Variants in ADGRL2 observed in about 807,000 individuals in gnomAD.
The protein encoded by ADGRL2 is adhesion G protein-coupled receptor L2, also known as calcium-independent alpha-latrotoxin receptor 2.
ADGRL2 carries 44 observed loss-of-function variants against 157.4 expected under a neutral mutation model. The observed-to-expected ratio is 0.28, with a 90% CI of 0.22 to 0.36. ADGRL2 has a LOEUF of 0.36. Among genes scored for constraint, ADGRL2 ranks in the 10% least tolerant of loss-of-function variants. The pLI is 1.00. For synonymous variants in ADGRL2, 585 were observed against 624.7 expected (o/e 0.94, Z 0.95); for missense variants, 1,510 against 1,768.9 (o/e 0.85, Z 2.63).
At chr1:81,808,467 C>A in intron 1 of ADGRL2, among the ~76,000 whole-genome samples, 1 of 137,480 alleles carries the variant, frequency 7.3e-6, no homozygotes, top group South Asian at 2.4e-4. Context: ...TTCTGCTTTT[C>A]ATTTTTGTTT....
intron 2 of ADGRL2, among the ~76,000 whole-genome samples, chr1:81,509,202 A>C (rs2079032351): frequency 6.6e-6 from 1 of 152,128 alleles, no homozygotes. Context: ...AAACTCACAA[A>C]GCCAACAAGC....
Position 81,355,336 on chromosome 1 carries a change from G to C in ADGRL2, c.-302+48827G>C, listed in dbSNP as rs559219436. On this transcript the variant is annotated intron_variant, in intron 1 of 24. Coordinates refer to the ADGRL2 transcript ENST00000370721. ...ATTGCACCACTGCACTCCAGCCTGG[G>C]TGACAGAGTGAGACTCAGTCTCAAA... 2.6e-5 allele frequency among the ~76,000 whole-genome samples: 4 copies of C among 152,244 alleles called. No homozygotes were observed. In the South Asian group the frequency reaches 6.2e-4, roughly 24 times the overall value.
At position 81,991,304 on chromosome 1, in the gene ADGRL2, T is replaced by A; in HGVS notation, c.*159T>A. The A allele has an allele frequency of 1.6e-6, 1 of 613,882 alleles. No individual in the cohort carries two copies. Among genetic ancestry groups the A allele is most frequent in the Non-Finnish European group, 2.7e-6 (1 of 365,308 alleles). The allele number at this position is 613,882 out of a possible 1,614,324, so 38.0% of individuals were successfully genotyped here. On this transcript the variant is annotated 3_prime_UTR_variant, in exon 24 of 24. Transcript: ENST00000686636. ...GACTGAACCTTGCAGTTCTGTGAAT[T>A]TTTATAAAACATACAAAAACTTTGT...
At chr1:81,540,105 T>C (rs1327169821) in intron 2 of ADGRL2, among the ~76,000 whole-genome samples, 2 of 152,170 alleles carry the variant, frequency 1.3e-5, no homozygotes, top group African/African-American at 4.8e-5. Flanking sequence ...TCTCCATCTG[T>C]AAAATGAGTA....
At chr1:81,518,083 G>A (rs1041862792) in intron 2 of ADGRL2, among the ~76,000 whole-genome samples, 2 of 152,256 alleles carry the variant, frequency 1.3e-5, no homozygotes, top group African/African-American at 4.8e-5. Context: ...TAGGTTTTTA[G>A]CGAGGAAGGA....
chr1:81,449,864 T>C (rs2077673631), intron 2 of ADGRL2, among the ~76,000 whole-genome samples: 1 of 152,190 alleles, frequency 6.6e-6, no homozygotes, highest in Non-Finnish European at 1.5e-5. Context: ...GTGTTGGGAT[T>C]ACAGGCATGA....
chr1:81,366,784 T>C (rs2076074647), intron 1 of ADGRL2, among the ~76,000 whole-genome samples: 1 of 147,794 alleles, frequency 6.8e-6, no homozygotes, highest in Non-Finnish European at 1.5e-5. Context: ...AGGTCTGTGA[T>C]TTTTGAAAAC....
chr1:81,642,648 C>T lies in ADGRL2; in HGVS notation c.-143+61668C>T, dbSNP rs981270249. On this transcript the variant is annotated intron_variant, in intron 3 of 24. Transcript: ENST00000370721. ...TAAGAAAAAGAAATTACAGACAAAT[C>T]TCTCACATGAACCAAGATGCAAAAA... 2.0e-5 allele frequency among the ~76,000 whole-genome samples: 3 copies of T among 152,058 alleles called. No homozygotes were observed. In the East Asian group the frequency reaches 5.8e-4, roughly 29 times the overall value.
chr1:81,643,603 C>T (rs1489704164), intron 3 of ADGRL2, among the ~76,000 whole-genome samples: 4 of 152,108 alleles, frequency 2.6e-5, no homozygotes, highest in African/African-American at 9.7e-5. Flanking sequence ...GCCACCATCC[C>T]CAGCCACAAG....
chr1:81,359,985 G>A (rs772875291), intron 1 of ADGRL2, among the ~76,000 whole-genome samples: 4 of 151,996 alleles, frequency 2.6e-5, no homozygotes, highest in Admixed American at 1.3e-4. Flanking sequence ...ATCTATTCTC[G>A]CACAGCAGCC....
intron 2 of ADGRL2, among the ~76,000 whole-genome samples, chr1:81,562,024 A>G (rs2080454728): frequency 6.6e-6 from 1 of 152,206 alleles, no homozygotes; most frequent in African/African-American, 2.4e-5. Flanking sequence ...AAGCTAAAAT[A>G]CTTTAAAACT....
At chr1:81,742,626 TA>T (rs2085109303) in intron 1 of ADGRL2, among the ~76,000 whole-genome samples, 1 of 151,970 alleles carries the variant, frequency 6.6e-6, no homozygotes, top group Non-Finnish European at 1.5e-5. Context: ...ACTTATTCCA[TA>T]AATCAACACT....
chr1:81,765,539 C>T (rs186765724), intron 2 of ADGRL2, among the ~76,000 whole-genome samples: 6 of 152,044 alleles, frequency 3.9e-5, no homozygotes, highest in Non-Finnish European at 4.4e-5. Context: ...ATTATTAAAG[C>T]TGAACTTCAA....
At chr1:81,733,349 C>T (rs1039572638) in intron 1 of ADGRL2, among the ~76,000 whole-genome samples, 3 of 152,228 alleles carry the variant, frequency 2.0e-5, no homozygotes, top group South Asian at 2.1e-4. Context: ...AAATCTCTCA[C>T]GGTTCTGGAG....
chr1:81,745,943 A>G (rs1012806513), intron 1 of ADGRL2, among the ~76,000 whole-genome samples: 4 of 152,286 alleles, frequency 2.6e-5, no homozygotes, highest in East Asian at 3.9e-4. Flanking sequence ...AGGCTTGTCA[A>G]TTCAAAGAGG....
At chr1:81,646,559 T>A (rs924459615) in intron 3 of ADGRL2, among the ~76,000 whole-genome samples, 2 of 152,214 alleles carry the variant, frequency 1.3e-5, no homozygotes, top group African/African-American at 4.8e-5. Flanking sequence ...GAAAATGAGA[T>A]ACTAGAGTTC....
chr1:81,819,787 G>A lies in ADGRL2; in HGVS notation c.-100-17098G>A, dbSNP rs1209111348. Among the ~76,000 whole-genome samples, 6 of 152,106 alleles carry A rather than the reference G, an allele frequency of 3.9e-5. No homozygotes were observed. The East Asian group carries it at 1.2e-3, about 29-fold the overall frequency. On this transcript the variant is annotated intron_variant, in intron 1 of 23. Transcript: ENST00000686636. The stretch of plus-strand genomic sequence containing the variant: ...GTTGAGATACTCTTCATTGTTCAGG[G>A]CCATTTTAGTAACATTCTTAACAGC...
intron 2 of ADGRL2, among the ~76,000 whole-genome samples, chr1:81,471,629 A>G (rs1358188079): frequency 2.0e-5 from 3 of 152,212 alleles, no homozygotes; most frequent in Admixed American, 2.0e-4. Context: ...AGGCGTAAAC[A>G]GTTGTTGAAT....
At chr1:81,648,261 G>A (rs1176813905) in intron 3 of ADGRL2, among the ~76,000 whole-genome samples, 2 of 152,132 alleles carry the variant, frequency 1.3e-5, no homozygotes, top group African/African-American at 2.4e-5. Flanking sequence ...CCAACACAGA[G>A]GATTAGAACC....
Sources: gnomAD v4.1 joint callset for allele counts (sites outside exome capture counted in the v4.1 genomes callset) on GRCh38, gnomAD v4.1.1 for gene constraint, MANE v1.5 for transcripts, NCBI Gene and HGNC (gene_info 2026-07-23, HGNC 2026-07-21) for gene names.